Variants in MYOF observed in about 807,000 individuals in gnomAD.
MYOF encodes the protein myoferlin.
Under a neutral mutation model 284.2 loss-of-function variants are expected in MYOF, and 244 were observed. That is an observed-to-expected ratio of 0.86 (90% CI 0.77 to 0.95). MYOF has a LOEUF of 0.95. MYOF is among the 40% of genes least tolerant of loss of function. The pLI is 0.00. For missense variants in MYOF, 2,496 were observed against 2,560.6 expected (o/e 0.97, Z 0.54); for synonymous variants, 904 against 919.7 (o/e 0.98, Z 0.31).
intron 46 of MYOF, among the ~76,000 whole-genome samples, chr10:93,325,621 A>G (rs1358685337): frequency 6.6e-6 from 1 of 152,208 alleles, no homozygotes; most frequent in Non-Finnish European, 1.5e-5. Context: ...GTTCTGAGTC[A>G]TGGCCAATCT....
At chr10:93,404,770 A>G (rs1847476716) in intron 7 of MYOF, among the ~76,000 whole-genome samples, 1 of 152,052 alleles carries the variant, frequency 6.6e-6, no homozygotes, top group African/African-American at 2.4e-5. Flanking sequence ...CTTTAGCTCT[A>G]TTAGTGTCTA....
chr10:93,307,201 G>C (rs773350171), intron 53 of MYOF, among the ~76,000 whole-genome samples, 200 bp from the exon 54 acceptor site: 1 of 147,572 alleles, frequency 6.8e-6, no homozygotes, highest in Non-Finnish European at 1.5e-5. Flanking sequence ...CCCCCGCCAA[G>C]TTGTTGCAAC....
chr10:93,381,440 G>A (rs1394633863), intron 19 of MYOF, 44 bp from the exon 20 acceptor site: 1 of 1,592,316 alleles, frequency 6.3e-7, no homozygotes, highest in Non-Finnish European at 8.6e-7. Flanking sequence ...AAGGCCATTT[G>A]TTCTTATTTA....
chr10:93,315,295 G>A (rs1842568618), intron 50 of MYOF, among the ~76,000 whole-genome samples: 1 of 152,164 alleles, frequency 6.6e-6, no homozygotes, highest in South Asian at 2.1e-4. Context: ...AGGGGCTACT[G>A]TAACATGTGG....
chr10:93,329,370 C>A (rs1447419998), intron 44 of MYOF, among the ~76,000 whole-genome samples: 2 of 152,192 alleles, frequency 1.3e-5, no homozygotes, highest in Non-Finnish European at 2.9e-5. Flanking sequence ...TCCTTGACAT[C>A]CAGGAGGGGC....
chr10:93,336,042 T>C lies in MYOF; in HGVS notation c.4442A>G (p.Tyr1481Cys), dbSNP rs775791990. 32 of 1,613,404 alleles carry C rather than the reference T, an allele frequency of 2.0e-5. No homozygotes were observed. The highest frequency in any genetic ancestry group is 4.0e-5 in the African/African-American group (3 of 74,888). ...IQKGYSKLKI[Y>C]NCELENVAEF... ...TGCTACATTTTCTAGTTCACAATTA[T>C]ATATCTGAAAACCACCAACAGAGTC... is the stretch of plus-strand genomic sequence containing the variant. Residue 1481 changes from tyrosine (Y) to cysteine (C), a missense_variant, in exon 41 of 54, where the codon TAT (tyrosine) becomes TGT (cysteine). By Grantham distance (194) the Tyr-to-Cys change is radical. This residue lies in a region of MYOF where 2,436 missense variants were observed against 2,480.7 expected (regional missense o/e 0.98). Coordinates refer to ENST00000359263, the MANE Select transcript of MYOF (RefSeq NM_013451.4).
intron 32 of MYOF, 147 bp downstream of exon 32, chr10:93,353,664 G>A (rs960853281): frequency 1.7e-6 from 1 of 578,978 alleles, no homozygotes; most frequent in Non-Finnish European, 3.0e-6. Context: ...TCTAATGACT[G>A]AGCAGTTTGC....
intron 5 of MYOF, among the ~76,000 whole-genome samples, chr10:93,419,433 G>A (rs1642619367): frequency 6.6e-6 from 1 of 151,372 alleles, no homozygotes; most frequent in African/African-American, 2.4e-5. Context: ...GAAGTGCTGG[G>A]ATTACAGGCA....
At chr10:93,314,923 G>A (rs1842550735) in intron 50 of MYOF, among the ~76,000 whole-genome samples, 1 of 152,132 alleles carries the variant, frequency 6.6e-6, no homozygotes, top group Non-Finnish European at 1.5e-5. Context: ...GGTGGCACGT[G>A]TCTGTGGTCC....
rs184740509 is a variant in MYOF at position 93,430,881 on chromosome 10, A to T, written c.345+527T>A. 3.4e-4 allele frequency among the ~76,000 whole-genome samples: 52 copies of T among 152,292 alleles called. 1 individual carries two copies. The highest frequency in any genetic ancestry group is 1.5e-3 in the Admixed American group (23 of 15,298). On this transcript the variant is annotated intron_variant, in intron 4 of 53. Transcript: ENST00000359263. ...GCCCAGTTTTTTATTTAAAGCACAC[A>T]CACTTGAGAAAGATCACCAGAAAAA... is the stretch of plus-strand genomic sequence containing the variant.
chr10:93,396,881 TTAAACAA>T (rs1165077184), intron 15 of MYOF, among the ~76,000 whole-genome samples: 1 of 152,204 alleles, frequency 6.6e-6, no homozygotes, highest in African/African-American at 2.4e-5. Flanking sequence ...CATTTTCTTT[TTAAACAA>T]TAACAATGAA....
At chr10:93,443,031 G>T (rs549922470) in intron 3 of MYOF, among the ~76,000 whole-genome samples, 1 of 152,136 alleles carries the variant, frequency 6.6e-6, no homozygotes, top group Non-Finnish European at 1.5e-5. Context: ...GCATGGTGGC[G>T]TGTGCCTGTA....
chr10:93,452,538 C>T (rs1263154377), intron 2 of MYOF, among the ~76,000 whole-genome samples: 1 of 122,058 alleles, frequency 8.2e-6, no homozygotes, highest in Non-Finnish European at 1.6e-5. Context: ...GGGAACATCA[C>T]ACACTGGGGC....
chr10:93,333,434 C>G, intron 42 of MYOF, 122 bp from the exon 43 acceptor site: 2 of 876,660 alleles, frequency 2.3e-6, no homozygotes, highest in Non-Finnish European at 1.9e-6. Flanking sequence ...GCCGCCATGG[C>G]ACCCCGTGCC....
chr10:93,314,251 G>C (rs1358854333), intron 50 of MYOF, among the ~76,000 whole-genome samples: 11 of 152,102 alleles, frequency 7.2e-5, no homozygotes, highest in African/African-American at 2.7e-4. Flanking sequence ...ACAATGCCCG[G>C]CTAATTTTTG....
In MYOF at chr10:93,452,064, T is replaced by C. The variant is rs758113839; in HGVS notation, c.222A>G (p.Thr74=). ...AAACAACTTACTTATTTTGTCCAATTGTCTCAAAATCTTTCACAATAATCC... is the reference window on the plus strand; with the variant it reads ...AAACAACTTACTTATTTTGTCCAATCGTCTCAAAATCTTTCACAATAATCC... The part of the protein sequence containing the change: ...SLGIIVKDFE[T]IGQNKLIGTA... Residue 74 remains threonine, a synonymous_variant, in exon 3 of 54, where the codon ACA becomes ACG. Coordinates refer to ENST00000359263, the MANE Select transcript of MYOF (RefSeq NM_013451.4). 6 of 1,611,538 alleles carry C rather than the reference T, an allele frequency of 3.7e-6. No individual in the cohort carries two copies. Among genetic ancestry groups the C allele is most frequent in the Non-Finnish European group, 5.1e-6 (6 of 1,178,770 alleles).
At chr10:93,394,725 G>A (rs1047195443) in intron 16 of MYOF, among the ~76,000 whole-genome samples, 2 of 149,392 alleles carry the variant, frequency 1.3e-5, no homozygotes, top group African/African-American at 4.9e-5. Flanking sequence ...CTCCCAAAGT[G>A]CTGGGATTAC....
chr10:93,442,181 G>A (rs543276773), intron 3 of MYOF, among the ~76,000 whole-genome samples: 2 of 152,238 alleles, frequency 1.3e-5, no homozygotes, highest in African/African-American at 4.8e-5. Flanking sequence ...TCTCATCTGT[G>A]AGTTGAAGAT....
Position 93,406,288 on chromosome 10 carries a change from T to TTTTATATATATATATATATATA in MYOF, c.730-2070_730-2069insTATATATATATATATATATAAA, listed in dbSNP as rs1271223936. ...TAGAAATTTTTTTAGTAAACCTCTTTTATATATATATATATATATATATAT... is the reference window on the plus strand; with the variant it reads ...TAGAAATTTTTTTAGTAAACCTCTTTTTTATATATATATATATATATATATATATATATATATATATATATAT... On this transcript the variant is annotated intron_variant, in intron 7 of 53. Transcript: ENST00000359263. 9.1e-4 allele frequency among the ~76,000 whole-genome samples: 53 copies of TTTTATATATATATATATATATA among 58,146 alleles called. 1 individual carries two copies. The highest frequency in any genetic ancestry group is 1.8e-3 in the African/African-American group (46 of 25,926). 38.1% of individuals were successfully genotyped at this position (58,146 alleles called of 152,430 possible).
Sources: allele counts gnomAD v4.1 joint callset (sites outside exome capture counted in the v4.1 genomes callset), GRCh38; gene constraint gnomAD v4.1.1; regional missense constraint gnomAD v4.1.1; transcripts MANE v1.5; gene names NCBI Gene and HGNC (gene_info 2026-07-23, HGNC 2026-07-21).